RHOQ: variants seen among roughly 807,000 people sequenced by gnomAD.
RHOQ encodes ras homolog family member Q.
A neutral mutation model predicts 25.8 loss-of-function variants in RHOQ; 7 were observed. That is an observed-to-expected ratio of 0.27 (90% CI 0.15 to 0.51). The LOEUF (loss-of-function observed/expected upper bound fraction) is 0.51, where lower values mean the gene tolerates loss of function less well. Ranked by LOEUF, RHOQ falls within the 20% of genes least tolerant of loss-of-function variation. The pLI is 0.97. For synonymous variants in RHOQ, 97 were observed against 98.6 expected, an observed-to-expected ratio of 0.98 and a Z score of 0.10; for missense variants, 165 against 260.6, an observed-to-expected ratio of 0.63 and a Z score of 2.53.
intron 2 of RHOQ, among the ~76,000 whole-genome samples, chr2:46,550,480 T>G (rs6544902): frequency 0.52 from 78,680 of 152,044 alleles, 21,837 homozygotes; most frequent in East Asian, 0.8. Context: ...CACCAGTGGG[T>G]CTGTCTGTCC....
chr2:46,580,089 G>C (rs1183725466), intron 4 of RHOQ: 1 of 152,380 alleles, frequency 6.6e-6, no homozygotes, highest in South Asian at 2.1e-4. Flanking sequence ...AGCAGCCAGA[G>C]TAAGTCTTAA....
chr2:46,578,627 A>G (rs908169717), intron 4 of RHOQ, among the ~76,000 whole-genome samples: 2 of 145,400 alleles, frequency 1.4e-5, no homozygotes, highest in Admixed American at 7.1e-5. Context: ...ATGATGGTGC[A>G]TACCTGTAGT....
chr2:46,582,859 T>C lies in RHOQ; in HGVS notation c.*1776T>C, dbSNP rs1669445450. On this transcript the variant is annotated 3_prime_UTR_variant, in exon 5 of 5. Transcript: ENST00000238738. ...CCATTGAAGAGTGGAGAGAGTCTAC[T>C]GGATGACTGGCCAGGAACTTTCTCT... 1 of 152,596 alleles carries C rather than the reference T, an allele frequency of 6.6e-6. No individual in the cohort carries two copies. The highest frequency in any genetic ancestry group is 1.5e-5 in the Non-Finnish European group (1 of 68,018). The allele number at this position is 152,596 out of a possible 1,614,324, so 9.5% of individuals were successfully genotyped here.
intron 4 of RHOQ, among the ~76,000 whole-genome samples, chr2:46,578,893 CTCGTGTG>C (rs947257808): frequency 6.6e-5 from 8 of 122,024 alleles, no homozygotes; most frequent in Non-Finnish European, 1.4e-4. Flanking sequence ...AATCATTTCA[CTCGTGTG>C]TGTGTGTGTA....
Position 46,582,851 on chromosome 2 carries a change from G to C in RHOQ, c.*1768G>C, listed in dbSNP as rs1669445197. 1 of 152,538 alleles carries C rather than the reference G, an allele frequency of 6.6e-6. No homozygotes were observed. Among genetic ancestry groups the C allele is most frequent in the Admixed American group, 6.5e-5 (1 of 15,278 alleles). 9.4% of individuals were successfully genotyped at this position (152,538 alleles called of 1,614,324 possible). On this transcript the variant is annotated 3_prime_UTR_variant, in exon 5 of 5. Transcript: ENST00000238738. ...TCACCTTCCCATTGAAGAGTGGAGA[G>C]AGTCTACTGGATGACTGGCCAGGAA... is the stretch of plus-strand genomic sequence containing the variant.
At position 46,549,762 on chromosome 2, in the gene RHOQ, G is replaced by A. The variant is rs1353832406; in HGVS notation, c.201+5950G>A. Among the ~76,000 whole-genome samples the A allele has an allele frequency of 3.3e-5, 5 of 152,278 alleles. No homozygotes were observed. The East Asian group carries it at 7.7e-4, about 24-fold the overall frequency. On this transcript the variant is annotated intron_variant, in intron 2 of 4. Transcript: ENST00000238738. ...CATGTACGGAGGCTGGGCTGTCTGA[G>A]CTCTCAGGGGTCCCCCGGCTCCCTG...
At position 46,569,841 on chromosome 2, in the gene RHOQ, G is replaced by T. The variant is rs115353524; in HGVS notation, c.202-6246G>T. Reference sequence around the variant, plus strand: ...AATTAAAAAAGAAAAGAAAACACCAGATGTTTGCAAAGTTTTTGAAAAACA... The same window carrying T: ...AATTAAAAAAGAAAAGAAAACACCATATGTTTGCAAAGTTTTTGAAAAACA... On this transcript the variant is annotated intron_variant, in intron 2 of 4. Coordinates refer to ENST00000238738, the MANE Select transcript of RHOQ (RefSeq NM_012249.4). The surrounding 1 kb of genome is among the most constrained non-coding windows in gnomAD (Gnocchi z 4.1). Among the ~76,000 whole-genome samples the T allele has an allele frequency of 6.6e-6, 1 of 152,236 alleles. No homozygotes were observed. Among genetic ancestry groups the T allele is most frequent in the African/African-American group, 2.4e-5 (1 of 41,538 alleles).
chr2:46,559,084 G>A (rs972069290), intron 2 of RHOQ, among the ~76,000 whole-genome samples: 1 of 152,178 alleles, frequency 6.6e-6, no homozygotes, highest in African/African-American at 2.4e-5. Context: ...TTCCTGAGTA[G>A]TTGGGACTAT....
intron 2 of RHOQ, among the ~76,000 whole-genome samples, chr2:46,574,024 A>G (rs1230644762): frequency 1.3e-5 from 2 of 152,232 alleles, no homozygotes; most frequent in Non-Finnish European, 2.9e-5. Context: ...TGTGGGACTC[A>G]GGGGACCCTG....
At chr2:46,574,360 A>G (rs1669038146) in intron 2 of RHOQ, among the ~76,000 whole-genome samples, 1 of 146,410 alleles carries the variant, frequency 6.8e-6, no homozygotes, top group South Asian at 2.1e-4. Context: ...TCTTTTATGG[A>G]CTTGCAGTTT....
chr2:46,578,893 C>A (rs1558694303), intron 4 of RHOQ, among the ~76,000 whole-genome samples: 1 of 122,024 alleles, frequency 8.2e-6, no homozygotes, highest in East Asian at 2.0e-4. Context: ...AATCATTTCA[C>A]TCGTGTGTGT....
intron 2 of RHOQ, 30 bp downstream of exon 2, chr2:46,543,842 C>T (rs777449365): frequency 3.1e-6 from 5 of 1,596,534 alleles, no homozygotes; most frequent in South Asian, 1.1e-5. Context: ...GCCGACGCCC[C>T]CCTCCTGTTC....
chr2:46,559,352 G>A (rs12712976), intron 2 of RHOQ, among the ~76,000 whole-genome samples: 68,004 of 151,974 alleles, frequency 0.45, 16,240 homozygotes, highest in African/African-American at 0.6. Flanking sequence ...TAATGATAGT[G>A]TTTCAAATTT....
At chr2:46,568,490 C>T (rs1179599863) in intron 2 of RHOQ, 3 of 152,206 alleles carry the variant, frequency 2.0e-5, no homozygotes, top group Non-Finnish European at 2.9e-5. Context: ...AGGCGTCAAA[C>T]ATTGGTCATC....
At chr2:46,558,861 A>G (rs2103998797) in intron 2 of RHOQ, among the ~76,000 whole-genome samples, 1 of 151,948 alleles carries the variant, frequency 6.6e-6, no homozygotes, top group African/African-American at 2.4e-5. Flanking sequence ...TACCCCTTCT[A>G]TTCTGTTTTT....
chr2:46,575,939 CAG>C (rs1669108366), intron 2 of RHOQ, 146 bp from the exon 3 acceptor site: 2 of 515,446 alleles, frequency 3.9e-6, no homozygotes, highest in Non-Finnish European at 3.2e-6. Context: ...ATAACAAAAA[CAG>C]AGTTATCTGA....
chr2:46,545,774 T>C (rs904319098), intron 2 of RHOQ, among the ~76,000 whole-genome samples: 12 of 152,204 alleles, frequency 7.9e-5, no homozygotes, highest in African/African-American at 2.7e-4. Context: ...ACCTGTAATC[T>C]TCACAGCCAT....
Position 46,561,952 on chromosome 2 carries a change from C to G in RHOQ, c.202-14135C>G, listed in dbSNP as rs1253165236. ...GACTCCAGATCTGCATTCCACTGTT[C>G]TCATGACATCCCCTTGCTGCCAGTG... On this transcript the variant is annotated intron_variant, in intron 2 of 4. Transcript: ENST00000238738. Among the ~76,000 whole-genome samples, 3 of 152,226 alleles carry G rather than the reference C, an allele frequency of 2.0e-5. No individual in the cohort carries two copies. In the East Asian group the frequency reaches 5.8e-4, roughly 29 times the overall value.
At chr2:46,557,240 G>A (rs1373578381) in intron 2 of RHOQ, among the ~76,000 whole-genome samples, 1 of 152,148 alleles carries the variant, frequency 6.6e-6, no homozygotes, top group Non-Finnish European at 1.5e-5. Flanking sequence ...AACATTCAGT[G>A]TACCCAGAGA....
Sources: gnomAD v4.1 joint callset for allele counts (sites outside exome capture counted in the v4.1 genomes callset) on GRCh38, gnomAD v4.1.1 for gene constraint, Gnocchi (gnomAD v3.1) non-coding constraint, MANE v1.5 for transcripts, NCBI Gene and HGNC (gene_info 2026-07-23, HGNC 2026-07-21) for gene names.